The following ST8SIA4 variants were observed in gnomAD, a reference collection of about 807,000 sequenced individuals.
ST8SIA4 encodes ST8 alpha-N-acetyl-neuraminide alpha-2,8-sialyltransferase 4, also known as CMP-N-acetylneuraminate-poly-alpha-2,8-sialyltransferase.
Under a neutral mutation model 33.9 loss-of-function variants are expected in ST8SIA4, and 15 were observed. That is an observed-to-expected ratio of 0.44 (90% CI 0.30 to 0.68). The LOEUF (loss-of-function observed/expected upper bound fraction) is 0.68. Among genes scored for constraint, ST8SIA4 ranks in the 30% least tolerant of loss-of-function variants. ST8SIA4 has a pLI of 0.10. For synonymous variants in ST8SIA4, 171 were observed against 151.2 expected, an observed-to-expected ratio of 1.13 and a Z score of -0.96; for missense variants, 321 against 428.0, an observed-to-expected ratio of 0.75 and a Z score of 2.21.
intron 3 of ST8SIA4, among the ~76,000 whole-genome samples, chr5:100,879,728 CAA>C (rs755546061): frequency 6.6e-5 from 10 of 152,174 alleles, no homozygotes; most frequent in Non-Finnish European, 1.2e-4. Flanking sequence ...TACGAGAAAA[CAA>C]AGAGGCACGC....
In ST8SIA4 at chr5:100,811,910, T is replaced by C. The variant is rs752899484; in HGVS notation, c.1017A>G (p.Thr339=). The C allele has an allele frequency of 1.2e-6, 2 of 1,614,182 alleles. No individual in the cohort carries two copies. The highest frequency in any genetic ancestry group is 1.7e-6 in the Non-Finnish European group (2 of 1,180,008). ...SPHRMPLEFK[T]LNVLHNRGAL... Reference sequence around the variant, plus strand: ...CTCCTCTATTATGTAGCACATTTAATGTTTTGAATTCTAATGGCATTCTGT... The same window carrying C: ...CTCCTCTATTATGTAGCACATTTAACGTTTTGAATTCTAATGGCATTCTGT... The change falls in exon 5 of 5, where the codon ACA becomes ACG. Residue 339 remains threonine, a synonymous_variant. Transcript: ENST00000231461.
In ST8SIA4 at chr5:100,898,551, T is replaced by C. The variant is rs549862107; in HGVS notation, c.114-2766A>G. ...CAGACTTTCATCACTGGAAAGAATT[T>C]TGAATGAAAATATCTACAACTAGTC... On this transcript the variant is annotated intron_variant, in intron 1 of 4. Transcript: ENST00000231461. Among the ~76,000 whole-genome samples the C allele has an allele frequency of 3.9e-5, 6 of 152,356 alleles. No individual in the cohort carries two copies. In the East Asian group the frequency reaches 1.2e-3, roughly 29 times the overall value.
intron 4 of ST8SIA4, among the ~76,000 whole-genome samples, chr5:100,835,392 T>TG (rs1751345629): frequency 6.6e-6 from 1 of 152,118 alleles, no homozygotes; most frequent in Admixed American, 6.6e-5. Context: ...GGAAAATGCA[T>TG]GGGAAAAACT....
At chr5:100,826,783 C>T (rs1751154005) in intron 4 of ST8SIA4, among the ~76,000 whole-genome samples, 1 of 151,834 alleles carries the variant, frequency 6.6e-6, no homozygotes. Context: ...AAGTAAATAT[C>T]TATATGAGTG....
At chr5:100,882,829 A>G (rs1379011619) in intron 3 of ST8SIA4, among the ~76,000 whole-genome samples, 2 of 152,252 alleles carry the variant, frequency 1.3e-5, no homozygotes, top group East Asian at 1.9e-4. Flanking sequence ...CTGTGAGTGC[A>G]CAGAACTCAA....
intron 2 of ST8SIA4, among the ~76,000 whole-genome samples, 173 bp from the exon 3 acceptor site, chr5:100,886,773 G>A (rs948679719): frequency 1.3e-5 from 2 of 152,000 alleles, no homozygotes; most frequent in African/African-American, 4.8e-5. Flanking sequence ...GAATTAAGTC[G>A]ATTCTATAAG....
intron 4 of ST8SIA4, among the ~76,000 whole-genome samples, chr5:100,827,047 AGGGTG>A (rs1751163795): frequency 6.6e-6 from 1 of 151,524 alleles, no homozygotes; most frequent in South Asian, 2.1e-4. Flanking sequence ...GCACACTTGT[AGGGTG>A]ATACACGTTA....
rs1052645703 is a variant in ST8SIA4 at position 100,885,606 on chromosome 5, G to A, written c.503+737C>T. 1.2e-4 allele frequency: 115 copies of A among 933,070 alleles called. No individual in the cohort carries two copies. The Admixed American group carries it at 1.2e-3, about 10-fold the overall frequency. The allele number at this position is 933,070 out of a possible 1,614,324, so 57.8% of individuals were successfully genotyped here. A position where few individuals can be genotyped will look rare whatever the true frequency, so the allele number is the denominator to read the frequency against. ...TCTGTCATTTAGCTAATTTTTCTAA[G>A]GAACTAAAACAATCCAAAAAAACTG... On this transcript the variant is annotated intron_variant, in intron 3 of 4. Transcript: ENST00000231461.
intron 2 of ST8SIA4, among the ~76,000 whole-genome samples, chr5:100,888,135 G>A (rs1332814554): frequency 6.6e-6 from 1 of 151,392 alleles, no homozygotes; most frequent in East Asian, 1.9e-4. Context: ...GAAATCACTG[G>A]ATGAGGTTAT....
At chr5:100,887,196 A>C (rs1336774154) in intron 2 of ST8SIA4, among the ~76,000 whole-genome samples, 1 of 152,100 alleles carries the variant, frequency 6.6e-6, no homozygotes, top group Non-Finnish European at 1.5e-5. Flanking sequence ...GAGTCCTGGA[A>C]GTAAGATGGA....
intron 4 of ST8SIA4, among the ~76,000 whole-genome samples, chr5:100,851,502 A>G (rs999034155): frequency 1.1e-4 from 16 of 152,142 alleles, no homozygotes; most frequent in Admixed American, 4.6e-4. Flanking sequence ...ATACTTTCCT[A>G]TTAAAAAAAA....
At chr5:100,824,909 A>G (rs1198385994) in intron 4 of ST8SIA4, among the ~76,000 whole-genome samples, 1 of 151,900 alleles carries the variant, frequency 6.6e-6, no homozygotes. Context: ...AAAAAAAAAA[A>G]AAATAGCCAG....
intron 4 of ST8SIA4, among the ~76,000 whole-genome samples, chr5:100,850,433 T>A (rs185346111): frequency 4.0e-5 from 6 of 150,942 alleles, no homozygotes; most frequent in Admixed American, 4.0e-4. Context: ...TAGTAGAATT[T>A]AAAAAAGTAA....
intron 4 of ST8SIA4, among the ~76,000 whole-genome samples, chr5:100,825,151 A>T (rs947830659): frequency 1.3e-5 from 2 of 152,222 alleles, no homozygotes; most frequent in Non-Finnish European, 2.9e-5. Context: ...AGAGTGGGAT[A>T]TAAGTAGAAG....
intron 3 of ST8SIA4, among the ~76,000 whole-genome samples, chr5:100,864,508 G>C (rs1158339793): frequency 6.8e-6 from 1 of 147,654 alleles, no homozygotes; most frequent in Non-Finnish European, 1.5e-5. Context: ...CTGGGAGTTG[G>C]AGCTTGCAGT....
intron 4 of ST8SIA4, among the ~76,000 whole-genome samples, chr5:100,854,005 GTGTGTA>G (rs1751759081): frequency 1.2e-4 from 3 of 24,148 alleles, no homozygotes; most frequent in Admixed American, 1.0e-3. Flanking sequence ...GTGTGTGTGT[GTGTGTA>G]TGTTTAAGAT....
At chr5:100,857,542 A>AATAC (rs1169215601) in intron 3 of ST8SIA4, among the ~76,000 whole-genome samples, 2 of 152,000 alleles carry the variant, frequency 1.3e-5, no homozygotes, top group African/African-American at 4.8e-5. Flanking sequence ...AACTATTTTT[A>AATAC]ATACTTTTAT....
At chr5:100,854,372 A>G (rs1455619419) in intron 4 of ST8SIA4, among the ~76,000 whole-genome samples, 1 of 152,070 alleles carries the variant, frequency 6.6e-6, no homozygotes, top group African/African-American at 2.4e-5. Flanking sequence ...TCACGAAGTC[A>G]GGAGATCGAG....
chr5:100,883,066 T>G (rs1752460611), intron 3 of ST8SIA4, among the ~76,000 whole-genome samples: 1 of 152,110 alleles, frequency 6.6e-6, no homozygotes, highest in Non-Finnish European at 1.5e-5. Context: ...GACCCCAGAA[T>G]GGTAGATGCA....
Sources: allele counts gnomAD v4.1 joint callset (sites outside exome capture counted in the v4.1 genomes callset), GRCh38; gene constraint gnomAD v4.1.1; transcripts MANE v1.5; gene names NCBI Gene and HGNC (gene_info 2026-07-23, HGNC 2026-07-21).